Variants in GRIN2B observed in about 807,000 individuals in gnomAD.
GRIN2B encodes glutamate ionotropic receptor NMDA type subunit 2B.
Under a neutral mutation model 114.5 loss-of-function variants are expected in GRIN2B, and 5 were observed. The observed-to-expected ratio is 0.04, with a 90% confidence interval of 0.02 to 0.09. GRIN2B has a LOEUF of 0.09. Ranked by LOEUF, GRIN2B falls within the 10% of genes least tolerant of loss-of-function variation. GRIN2B has a pLI of 1.00. For missense variants in GRIN2B, 1,108 were observed against 1,943.5 expected (o/e 0.57, Z 8.08); for synonymous variants, 787 against 745.1 (o/e 1.06, Z -0.92).
chr12:13,779,013 C>A (rs1356687125), intron 3 of GRIN2B, among the ~76,000 whole-genome samples: 2 of 152,090 alleles, frequency 1.3e-5, no homozygotes, highest in Admixed American at 1.3e-4. Context: ...TTAACGCGAC[C>A]CAACCCCTGC....
In GRIN2B at chr12:13,555,002, G is replaced by A. The variant is rs1948461516; in HGVS notation, c.*7781C>T. The A allele has an allele frequency of 6.6e-6, 1 of 152,134 alleles. No homozygotes were observed. Among genetic ancestry groups the A allele is most frequent in the Non-Finnish European group, 1.5e-5 (1 of 68,026 alleles). 9.4% of individuals were successfully genotyped at this position (152,134 alleles called of 1,614,324 possible). ...TATGTGTATGAAGGAAAAGCAAAAG[G>A]TAGGGGCTAAAAGTGAAGATTTGGG... On this transcript the variant is annotated 3_prime_UTR_variant, in exon 14 of 14. Transcript: ENST00000609686.
chr12:13,603,200 T>TTC (rs1949187279), intron 10 of GRIN2B, among the ~76,000 whole-genome samples: 1 of 152,212 alleles, frequency 6.6e-6, no homozygotes, highest in African/African-American at 2.4e-5. Flanking sequence ...TTTAAAATAA[T>TTC]GTCTCTAAAA....
intron 5 of GRIN2B, among the ~76,000 whole-genome samples, chr12:13,626,452 T>G (rs1591648538): frequency 1.3e-5 from 2 of 152,126 alleles, no homozygotes; most frequent in Non-Finnish European, 2.9e-5. Context: ...ACTCTCTACC[T>G]TTATTCTCAA....
Position 13,563,831 on chromosome 12 carries a change from T to A in GRIN2B, c.3407A>T (p.Gln1136Leu), listed in dbSNP as rs756986518. The part of the protein sequence containing the change: ...KEGLRDFYLD[Q>L]FRTKENSPHW... ...GGGTGAGTTCTCCTTTGTTCGGAAC[T>A]GGTCCAGGTAGAAGTCCCGTAGCCC... Residue 1136 changes from glutamine to leucine, a missense_variant, in exon 14 of 14, where the codon CAG becomes CTG. By Grantham distance (113) the Gln-to-Leu change is moderately radical. Coordinates refer to ENST00000609686, the MANE Select transcript of GRIN2B (RefSeq NM_000834.5). The A allele has an allele frequency of 6.2e-7, 1 of 1,614,170 alleles. No individual in the cohort carries two copies. The highest frequency in any genetic ancestry group is 1.1e-5 in the South Asian group (1 of 91,090).
At position 13,551,254 on chromosome 12, in the gene GRIN2B, T is replaced by A. The variant is rs952894774; in HGVS notation, c.*11529A>T. On this transcript the variant is annotated 3_prime_UTR_variant, in exon 14 of 14. Coordinates refer to ENST00000609686, the MANE Select transcript of GRIN2B (RefSeq NM_000834.5). Reference sequence around the variant, plus strand: ...CATTGAGAACAGACCTCTCCACCTCTGCTCATGATGTTTCCAAGAAGAGAT... The same window carrying A: ...CATTGAGAACAGACCTCTCCACCTCAGCTCATGATGTTTCCAAGAAGAGAT... The A allele has an allele frequency of 6.6e-6, 1 of 152,130 alleles. No homozygotes were observed. Among genetic ancestry groups the A allele is most frequent in the Non-Finnish European group, 1.5e-5 (1 of 68,022 alleles). 9.4% of individuals were successfully genotyped at this position (152,130 alleles called of 1,614,324 possible).
intron 2 of GRIN2B, among the ~76,000 whole-genome samples, chr12:13,888,070 G>A (rs1162124873): frequency 6.6e-6 from 1 of 152,160 alleles, no homozygotes; most frequent in Non-Finnish European, 1.5e-5. Flanking sequence ...AGAGAAGGCA[G>A]AGAAATGAGA....
chr12:13,660,648 A>C (rs1237199654), intron 5 of GRIN2B, among the ~76,000 whole-genome samples: 3 of 152,194 alleles, frequency 2.0e-5, no homozygotes, highest in Non-Finnish European at 4.4e-5. Flanking sequence ...TGTTCTATGA[A>C]TATTAGGAAA....
chr12:13,620,631 C>T (rs1728681012), intron 5 of GRIN2B, among the ~76,000 whole-genome samples: 1 of 152,232 alleles, frequency 6.6e-6, no homozygotes, highest in South Asian at 2.1e-4. Context: ...ATTTCTGAGA[C>T]TGTAAACACA....
At chr12:13,819,332 G>A (rs981459219) in intron 3 of GRIN2B, among the ~76,000 whole-genome samples, 6 of 152,094 alleles carry the variant, frequency 3.9e-5, no homozygotes, top group African/African-American at 9.7e-5. Flanking sequence ...CACATCTGTG[G>A]TATTTTGTTA....
chr12:13,553,284 CCT>C lies in GRIN2B; in HGVS notation c.*9497_*9498del, dbSNP rs1948439071. ...AAGGTCAGAAGTGATGTTGTCTCCC[CCT>C]GAGGTAATGAATCCCTTTATATTTA... On this transcript the variant is annotated 3_prime_UTR_variant, in exon 14 of 14. Transcript: ENST00000609686. 1 of 152,166 alleles carries C rather than the reference CCT, an allele frequency of 6.6e-6. No individual in the cohort carries two copies. The highest frequency in any genetic ancestry group is 1.5e-5 in the Non-Finnish European group (1 of 68,028). The allele number at this position is 152,166 out of a possible 1,614,324, so 9.4% of individuals were successfully genotyped here.
intron 3 of GRIN2B, among the ~76,000 whole-genome samples, chr12:13,857,880 G>A (rs929376698): frequency 6.6e-5 from 10 of 152,110 alleles, no homozygotes; most frequent in South Asian, 2.1e-4. Context: ...TTCTTCCTTC[G>A]TTAAGTATGA....
chr12:13,589,086 T>G (rs527246992), intron 10 of GRIN2B, among the ~76,000 whole-genome samples: 4 of 152,296 alleles, frequency 2.6e-5, no homozygotes, highest in Admixed American at 2.6e-4. Context: ...TATTCACAAT[T>G]TACCTGAAAT....
At position 13,582,699 on chromosome 12, in the gene GRIN2B, G is replaced by A. The variant is rs535613840; in HGVS notation, c.2011-10735C>T. ...TGGGGAAGGAATTTTGTGCCTCTCT[G>A]AACTCAACGTGGAGCTGGGGTTCTA... On this transcript the variant is annotated intron_variant, in intron 10 of 13. Coordinates refer to ENST00000609686, the MANE Select transcript of GRIN2B (RefSeq NM_000834.5). Among the ~76,000 whole-genome samples, 9 of 151,956 alleles carry A rather than the reference G, an allele frequency of 5.9e-5. No individual in the cohort carries two copies. In the East Asian group the frequency reaches 1.7e-3, roughly 29 times the overall value.
chr12:13,662,978 C>T (rs991993322), intron 5 of GRIN2B, among the ~76,000 whole-genome samples: 1 of 152,124 alleles, frequency 6.6e-6, no homozygotes, highest in East Asian at 1.9e-4. Context: ...CTGTGATCAG[C>T]GGCCCTTATG....
intron 5 of GRIN2B, among the ~76,000 whole-genome samples, chr12:13,634,593 C>T (rs769146577): frequency 6.6e-6 from 1 of 152,170 alleles, no homozygotes; most frequent in African/African-American, 2.4e-5. Flanking sequence ...ACACCCATCA[C>T]TTCTGCCCAT....
At chr12:13,628,861 G>A (rs1285046035) in intron 5 of GRIN2B, among the ~76,000 whole-genome samples, 2 of 152,210 alleles carry the variant, frequency 1.3e-5, no homozygotes, top group African/African-American at 4.8e-5. Flanking sequence ...GTAGTTGAAA[G>A]TGTGATCATC....
Position 13,558,284 on chromosome 12 carries a change from C to G in GRIN2B, c.*4499G>C, listed in dbSNP as rs1168475198. ...TATCACTGCAGTGACATCATTTATG[C>G]ACACATCTGAATCATTCCTAACATA... On this transcript the variant is annotated 3_prime_UTR_variant, in exon 14 of 14. Transcript: ENST00000609686. The G allele has an allele frequency of 6.6e-6, 1 of 152,078 alleles. No homozygotes were observed. The highest frequency in any genetic ancestry group is 1.5e-5 in the Non-Finnish European group (1 of 68,022). 9.4% of individuals were successfully genotyped at this position (152,078 alleles called of 1,614,324 possible). A position where few individuals can be genotyped will look rare whatever the true frequency, so the allele number is the denominator to read the frequency against.
chr12:13,627,524 C>G (rs750782193), intron 5 of GRIN2B, among the ~76,000 whole-genome samples: 1 of 152,138 alleles, frequency 6.6e-6, no homozygotes, highest in Non-Finnish European at 1.5e-5. Flanking sequence ...TTTATCATCG[C>G]CAATTTCTGT....
chr12:13,889,448 T>C (rs1420295446), intron 2 of GRIN2B, among the ~76,000 whole-genome samples: 1 of 152,210 alleles, frequency 6.6e-6, no homozygotes, highest in African/African-American at 2.4e-5. Context: ...ACAATATAAT[T>C]ACCCAGCTTA....
Sources: gnomAD v4.1 joint callset for allele counts (sites outside exome capture counted in the v4.1 genomes callset) on GRCh38, gnomAD v4.1.1 for gene constraint, MANE v1.5 for transcripts, NCBI Gene and HGNC (gene_info 2026-07-23, HGNC 2026-07-21) for gene names.